LMX1A: variants seen among roughly 807,000 people sequenced by gnomAD.
The protein encoded by LMX1A is LIM homeobox transcription factor 1-alpha.
LMX1A carries 15 observed loss-of-function variants against 49.1 expected under a neutral mutation model. That is an observed-to-expected ratio of 0.31 (90% CI 0.20 to 0.47). The LOEUF (loss-of-function observed/expected upper bound fraction) is 0.47, where lower values mean the gene tolerates loss of function less well. Ranked by LOEUF, LMX1A falls within the 20% of genes least tolerant of loss-of-function variation. LMX1A has a pLI of 1.00. For synonymous variants in LMX1A, 167 were observed against 185.7 expected (o/e 0.90, Z 0.82); for missense variants, 372 against 475.8 (o/e 0.78, Z 2.03).
intron 4 of LMX1A, among the ~76,000 whole-genome samples, chr1:165,221,056 T>C (rs564765940): frequency 3.3e-5 from 5 of 152,292 alleles, no homozygotes; most frequent in South Asian, 2.1e-4. Flanking sequence ...TTTTTACAGA[T>C]GAGCAAACTG....
intron 4 of LMX1A, among the ~76,000 whole-genome samples, chr1:165,227,920 T>C (rs1368056872): frequency 1.3e-5 from 2 of 152,192 alleles, no homozygotes; most frequent in Non-Finnish European, 2.9e-5. Context: ...AATTACAATA[T>C]CATTTAAAGA....
At chr1:165,291,046 G>A (rs997187306) in intron 3 of LMX1A, among the ~76,000 whole-genome samples, 1 of 152,172 alleles carries the variant, frequency 6.6e-6, no homozygotes. Context: ...ATTGCTTACT[G>A]TTAAAATGGT....
chr1:165,354,183 T>C (rs565251568), intron 2 of LMX1A, among the ~76,000 whole-genome samples: 3 of 152,250 alleles, frequency 2.0e-5, no homozygotes, highest in Admixed American at 2.0e-4. Flanking sequence ...CTCTTGCCCT[T>C]GTCCCCCCAG....
chr1:165,224,072 T>C (rs901350164), intron 4 of LMX1A, among the ~76,000 whole-genome samples: 1 of 152,228 alleles, frequency 6.6e-6, no homozygotes, highest in African/African-American at 2.4e-5. Context: ...TCTCATGGTT[T>C]AACACCATCC....
chr1:165,239,079 G>A (rs75367168), intron 4 of LMX1A, among the ~76,000 whole-genome samples: 1 of 152,202 alleles, frequency 6.6e-6, no homozygotes, highest in Non-Finnish European at 1.5e-5. Context: ...AAAAAATCAT[G>A]ATGTGATCAT....
chr1:165,281,756 G>A (rs964153636), intron 3 of LMX1A, among the ~76,000 whole-genome samples: 3 of 152,016 alleles, frequency 2.0e-5, no homozygotes, highest in Non-Finnish European at 2.9e-5. Flanking sequence ...ATGTGTGTGT[G>A]TGTGTGTGTG....
intron 3 of LMX1A, among the ~76,000 whole-genome samples, chr1:165,285,246 G>A (rs570000639): frequency 6.6e-6 from 1 of 152,338 alleles, no homozygotes; most frequent in South Asian, 2.1e-4. Context: ...GGTGGAGAGA[G>A]TTCTGGAGGA....
chr1:165,334,308 T>TAA (rs1180652547), intron 3 of LMX1A, among the ~76,000 whole-genome samples: 1 of 152,160 alleles, frequency 6.6e-6, no homozygotes, highest in Non-Finnish European at 1.5e-5. Context: ...ATTCTAGCAA[T>TAA]ACAATCACTG....
chr1:165,338,023 G>A (rs1655956033), intron 3 of LMX1A, among the ~76,000 whole-genome samples: 1 of 151,920 alleles, frequency 6.6e-6, no homozygotes, highest in Admixed American at 6.6e-5. Flanking sequence ...CAAGGTCTGG[G>A]ACACATCTTT....
At chr1:165,212,985 T>A (rs1291946511) in intron 5 of LMX1A, 1 of 152,282 alleles carries the variant, frequency 6.6e-6, no homozygotes, top group African/African-American at 2.4e-5. Context: ...TGGTGACAAC[T>A]GGAGCAGTCG....
Position 165,202,037 on chromosome 1 carries a change from G to A in LMX1A, c.*1843C>T, listed in dbSNP as rs1339995854. On this transcript the variant is annotated 3_prime_UTR_variant, in exon 9 of 9. Transcript: ENST00000342310. ...TAATTTTCACTCATCAGACTGGTTT[G>A]GGTTTCTTGGTGGTTTGCATAAATT... is the stretch of plus-strand genomic sequence containing the variant. 2.0e-5 allele frequency: 3 copies of A among 152,526 alleles called. No homozygotes were observed. The East Asian group carries it at 5.8e-4, about 30-fold the overall frequency. 9.4% of individuals were successfully genotyped at this position (152,526 alleles called of 1,614,324 possible). A position where few individuals can be genotyped will look rare whatever the true frequency, so the allele number is the denominator to read the frequency against.
intron 4 of LMX1A, among the ~76,000 whole-genome samples, chr1:165,234,890 A>G (rs1009032960): frequency 5.3e-5 from 8 of 152,198 alleles, no homozygotes; most frequent in African/African-American, 1.9e-4. Flanking sequence ...TTAATCTAAC[A>G]ATCATTCTCC....
chr1:165,221,874 T>C (rs927823488), intron 4 of LMX1A, among the ~76,000 whole-genome samples: 1 of 150,982 alleles, frequency 6.6e-6, no homozygotes, highest in Non-Finnish European at 1.5e-5. Flanking sequence ...GGATAGATCT[T>C]AAGCTAACAC....
chr1:165,331,553 TG>T (rs1343003818), intron 3 of LMX1A, among the ~76,000 whole-genome samples: 1 of 152,194 alleles, frequency 6.6e-6, no homozygotes, highest in Non-Finnish European at 1.5e-5. Context: ...AATAGCTTAA[TG>T]GCAGATTGGA....
intron 3 of LMX1A, among the ~76,000 whole-genome samples, chr1:165,266,869 G>A (rs1418510672): frequency 6.6e-6 from 1 of 152,070 alleles, no homozygotes; most frequent in Non-Finnish European, 1.5e-5. Flanking sequence ...CCAAAGTGCT[G>A]GGATTACAGG....
At chr1:165,265,734 A>G (rs1260028637) in intron 3 of LMX1A, among the ~76,000 whole-genome samples, 1 of 152,228 alleles carries the variant, frequency 6.6e-6, no homozygotes, top group Non-Finnish European at 1.5e-5. Flanking sequence ...AGAACAGGTC[A>G]GTACCTTAAC....
intron 3 of LMX1A, among the ~76,000 whole-genome samples, chr1:165,324,858 T>G (rs979382713): frequency 2.0e-5 from 3 of 152,226 alleles, no homozygotes; most frequent in African/African-American, 7.2e-5. Context: ...GATCTCAGCA[T>G]CATTTAGTTA....
intron 3 of LMX1A, among the ~76,000 whole-genome samples, chr1:165,275,836 G>GGTGTGTAT (rs1653948634): frequency 1.6e-5 from 2 of 128,248 alleles, no homozygotes; most frequent in African/African-American, 5.4e-5. Flanking sequence ...ATGGCGCTGG[G>GGTGTGTAT]GTGTGTGTGT....
chr1:165,316,532 C>T (rs560404354), intron 3 of LMX1A, among the ~76,000 whole-genome samples: 1 of 152,336 alleles, frequency 6.6e-6, no homozygotes, highest in East Asian at 1.9e-4. Flanking sequence ...CAAGCTGCTT[C>T]ACAAGCAGAG....
Sources: gnomAD v4.1 joint callset for allele counts (sites outside exome capture counted in the v4.1 genomes callset) on GRCh38, gnomAD v4.1.1 for gene constraint, MANE v1.5 for transcripts, NCBI Gene and HGNC (gene_info 2026-07-23, HGNC 2026-07-21) for gene names.